ANOS1: variants seen among roughly 807,000 people sequenced by gnomAD.
ANOS1 encodes the protein anosmin 1, also known as anosmin-1.
In ANOS1, 6 loss-of-function variants were observed where a neutral mutation model predicts 59.0. The ratio of observed to expected loss-of-function variants is 0.10; its 90% CI spans 0.06 to 0.20. The LOEUF is 0.20. ANOS1 is among the 10% of genes least tolerant of loss of function. The probability of loss-of-function intolerance (pLI) is 1.00; values close to 1 mark genes in which losing one functional copy is unlikely to be tolerated. For missense variants in ANOS1, 433 were observed against 542.3 expected, an observed-to-expected ratio of 0.80 and a Z score of 2.00; for synonymous variants, 217 against 223.4, an observed-to-expected ratio of 0.97 and a Z score of 0.25.
At chrX:8,712,994 C>T (rs1030071031) in intron 1 of ANOS1, among the ~76,000 whole-genome samples, 3 of 111,130 alleles carry the variant, frequency 2.7e-5, no homozygotes, top group African/African-American at 6.6e-5. Context: ...CCAGGAGACC[C>T]ACTCTCTCTC....
chrX:8,539,801 T>A, intron 9 of ANOS1, 43 bp from the exon 10 acceptor site: 1 of 1,207,328 alleles, frequency 8.3e-7, no homozygotes, highest in Non-Finnish European at 1.1e-6. Flanking sequence ...AGGCTGGATG[T>A]TACATTCCAG....
chrX:8,571,315 A>G (rs1282631164), intron 6 of ANOS1, among the ~76,000 whole-genome samples: 8 of 111,360 alleles, frequency 7.2e-5, no homozygotes, highest in African/African-American at 2.6e-4. Flanking sequence ...TGAAATTGAC[A>G]TATTTTAGTA....
intron 6 of ANOS1, among the ~76,000 whole-genome samples, chrX:8,579,156 C>T (rs1448368809): frequency 8.9e-6 from 1 of 111,922 alleles, no homozygotes; most frequent in African/African-American, 3.2e-5. Flanking sequence ...TAAATATCAG[C>T]AATATCAAGG....
intron 2 of ANOS1, among the ~76,000 whole-genome samples, chrX:8,676,042 C>A: frequency 9.0e-6 from 1 of 110,775 alleles, no homozygotes; most frequent in East Asian, 2.8e-4. Context: ...ATGATTTTTT[C>A]ATTTTTATGG....
At position 8,655,163 on chromosome X, in the gene ANOS1, T is replaced by C. The variant is rs142413555; in HGVS notation, c.256-31493A>G. 7.0e-4 allele frequency among the ~76,000 whole-genome samples: 78 copies of C among 111,688 alleles called. No individual in the cohort carries two copies. The East Asian group carries it at 0.021, about 31-fold the overall frequency. On this transcript the variant is annotated intron_variant, in intron 2 of 13. Transcript: ENST00000262648. ...ACATTGTAATATATAATGAAATAAT[T>C]ATAAAACTCACCATGATGTAGAATC...
At position 8,536,766 on chromosome X, in the gene ANOS1, C is replaced by A; in HGVS notation, c.1621+5G>T. 1 of 1,201,900 alleles carries A rather than the reference C, an allele frequency of 8.3e-7. No homozygotes were observed. The highest frequency in any genetic ancestry group is 1.8e-5 in the South Asian group (1 of 56,266). ...GATGTAGAAGTCCTTCAGGTGAAAACGTACCTGCTTCGCCCAGGCAGCCAA... is the reference window on the plus strand; with the variant it reads ...GATGTAGAAGTCCTTCAGGTGAAAAAGTACCTGCTTCGCCCAGGCAGCCAA... On this transcript the variant is annotated splice_donor_5th_base_variant and intron_variant, in intron 11 of 13. Coordinates refer to ENST00000262648, the MANE Select transcript of ANOS1 (RefSeq NM_000216.4).
chrX:8,614,713 T>G (rs1931128757), intron 3 of ANOS1, among the ~76,000 whole-genome samples: 1 of 110,190 alleles, frequency 9.1e-6, no homozygotes, highest in Admixed American at 9.7e-5. Context: ...CTCCCCTAAC[T>G]CCTTATGTGC....
intron 4 of ANOS1, among the ~76,000 whole-genome samples, chrX:8,588,850 G>A (rs1194743835): frequency 1.8e-5 from 2 of 112,286 alleles, no homozygotes; most frequent in Non-Finnish European, 3.8e-5. Context: ...AAAACTAACT[G>A]AATGAAATAG....
intron 2 of ANOS1, among the ~76,000 whole-genome samples, chrX:8,649,586 C>T (rs760764231): frequency 7.1e-5 from 8 of 112,159 alleles, no homozygotes; most frequent in Non-Finnish European, 1.5e-4. Flanking sequence ...TGTCTTTGTC[C>T]ATATCAGTAT....
intron 1 of ANOS1, among the ~76,000 whole-genome samples, chrX:8,731,456 G>T (rs1309638588): frequency 9.0e-6 from 1 of 111,648 alleles, no homozygotes; most frequent in African/African-American, 3.3e-5. Context: ...GCCCCGGAGC[G>T]CCTGGGACTT....
At chrX:8,706,842 T>G (rs775099190) in intron 1 of ANOS1, among the ~76,000 whole-genome samples, 110 of 112,361 alleles carry the variant, frequency 9.8e-4, no homozygotes, top group African/African-American at 3.2e-3. Flanking sequence ...AAAAAGTCTC[T>G]CTGTATTCTA....
rs113914056 is a variant in ANOS1 at position 8,652,919 on chromosome X, G to A, written c.256-29249C>T. Among the ~76,000 whole-genome samples the A allele has an allele frequency of 2.8e-3, 305 of 110,801 alleles. 1 individual carries two copies. Among genetic ancestry groups the A allele is most frequent in the African/African-American group, 9.4e-3 (286 of 30,506 alleles). On this transcript the variant is annotated intron_variant, in intron 2 of 13. Coordinates refer to ENST00000262648, the MANE Select transcript of ANOS1 (RefSeq NM_000216.4). ...CACCCAGGTTGTAGAGCAGAGGCAC[G>A]ATCTCTGCTCACTGCAACCTCTGTC...
chrX:8,596,207 C>G (rs968153584), intron 4 of ANOS1, among the ~76,000 whole-genome samples: 1 of 111,095 alleles, frequency 9.0e-6, no homozygotes, highest in Non-Finnish European at 1.9e-5. Flanking sequence ...AAAACCATCC[C>G]CTGCCCCCTC....
chrX:8,547,155 C>G (rs993876814), intron 9 of ANOS1, among the ~76,000 whole-genome samples: 2 of 111,583 alleles, frequency 1.8e-5, no homozygotes, highest in Non-Finnish European at 3.8e-5. Flanking sequence ...CTTGCTTTTG[C>G]TAACATCTCT....
chrX:8,719,219 T>C (rs1424040341), intron 1 of ANOS1, among the ~76,000 whole-genome samples: 1 of 112,360 alleles, frequency 8.9e-6, no homozygotes, highest in Non-Finnish European at 1.9e-5. Context: ...TTCTTTCTGG[T>C]ATACACAGTA....
At chrX:8,659,618 C>CTTCT (rs1932001605) in intron 2 of ANOS1, among the ~76,000 whole-genome samples, 2 of 67,427 alleles carry the variant, frequency 3.0e-5, no homozygotes, top group Non-Finnish European at 5.8e-5. Flanking sequence ...TCCTTCCTTC[C>CTTCT]TTCCTTCCTT....
At chrX:8,730,319 T>TG (rs1034694192) in intron 1 of ANOS1, among the ~76,000 whole-genome samples, 1 of 112,182 alleles carries the variant, frequency 8.9e-6, no homozygotes, top group Non-Finnish European at 1.9e-5. Context: ...CCAGGATGTC[T>TG]GGGTAATTTC....
At chrX:8,685,487 AAGAAG>A (rs1482845790) in intron 2 of ANOS1, among the ~76,000 whole-genome samples, 21 of 106,751 alleles carry the variant, frequency 2.0e-4, no homozygotes, top group African/African-American at 4.1e-4. Context: ...GAAAAAAGAA[AAGAAG>A]AGAAGAGAAG....
chrX:8,606,831 T>A (rs1031187821), intron 3 of ANOS1, among the ~76,000 whole-genome samples: 1 of 113,026 alleles, frequency 8.8e-6, no homozygotes, highest in Admixed American at 9.4e-5. Context: ...ATAAATAGTA[T>A]ACTTGGCTGG....
Sources: allele counts gnomAD v4.1 joint callset (sites outside exome capture counted in the v4.1 genomes callset), GRCh38; gene constraint gnomAD v4.1.1; transcripts MANE v1.5; gene names NCBI Gene and HGNC (gene_info 2026-07-23, HGNC 2026-07-21).